Variants in RANBP17 observed in about 807,000 individuals in gnomAD.
RANBP17 encodes ran-binding protein 17.
Under a neutral mutation model 141.2 loss-of-function variants are expected in RANBP17, and 158 were observed. That is an observed-to-expected ratio of 1.12 (90% CI 0.98 to 1.28). RANBP17 has a LOEUF of 1.28. Among genes scored for constraint, RANBP17 ranks in the 50% most tolerant of loss-of-function variants. The pLI is 0.00. For synonymous variants in RANBP17, 430 were observed against 450.0 expected (o/e 0.96, Z 0.56); for missense variants, 1,438 against 1,290.7 (o/e 1.11, Z -1.75).
chr5:171,036,212 C>G (rs563526224), intron 14 of RANBP17, among the ~76,000 whole-genome samples: 1 of 152,266 alleles, frequency 6.6e-6, no homozygotes, highest in African/African-American at 2.4e-5. Flanking sequence ...TCCCCAGTGT[C>G]TCTTGTTGCT....
intron 12 of RANBP17, among the ~76,000 whole-genome samples, chr5:170,932,768 C>G (rs551080407): frequency 1.3e-5 from 2 of 152,206 alleles, no homozygotes; most frequent in Admixed American, 1.3e-4. Context: ...CCAACTTGAT[C>G]GTGGTGGATA....
chr5:171,165,467 C>T (rs867401210), intron 14 of RANBP17, among the ~76,000 whole-genome samples: 10 of 152,156 alleles, frequency 6.6e-5, no homozygotes, highest in East Asian at 1.9e-4. Context: ...CATGAGCCAC[C>T]GCGCCCAGCC....
At chr5:171,054,992 A>G (rs1190477963) in intron 14 of RANBP17, among the ~76,000 whole-genome samples, 1 of 152,218 alleles carries the variant, frequency 6.6e-6, no homozygotes, top group Non-Finnish European at 1.5e-5. Flanking sequence ...AGAAGGTGGT[A>G]TCTGGAAGAC....
chr5:171,005,466 C>A lies in RANBP17; in HGVS notation c.1710+37089C>A, dbSNP rs564194331. Among the ~76,000 whole-genome samples, 907 of 152,284 alleles carry A rather than the reference C, an allele frequency of 6.0e-3. 7 individuals carry two copies. Among genetic ancestry groups the A allele is most frequent in the African/African-American group, 0.021 (859 of 41,550 alleles). Reference sequence around the variant, plus strand: ...ATATCTACAACTATCTGATCTTTGACAAACCTGACAAAAACAAGAAATGGG... The same window carrying A: ...ATATCTACAACTATCTGATCTTTGAAAAACCTGACAAAAACAAGAAATGGG... On this transcript the variant is annotated intron_variant, in intron 14 of 27. Coordinates refer to ENST00000523189, the MANE Select transcript of RANBP17 (RefSeq NM_022897.5).
At chr5:171,191,584 G>A (rs1283971898) in intron 18 of RANBP17, among the ~76,000 whole-genome samples, 5 of 152,096 alleles carry the variant, frequency 3.3e-5, no homozygotes, top group Middle Eastern at 3.2e-3. Context: ...CTACTCGGGA[G>A]GCTGAGGCAG....
chr5:170,900,190 T>A (rs1269989737), intron 5 of RANBP17, among the ~76,000 whole-genome samples: 1 of 152,168 alleles, frequency 6.6e-6, no homozygotes, highest in Non-Finnish European at 1.5e-5. Context: ...CTGCCTTAAT[T>A]TCAGAACCTG....
At chr5:170,949,749 T>G (rs1400447100) in intron 12 of RANBP17, among the ~76,000 whole-genome samples, 1 of 152,040 alleles carries the variant, frequency 6.6e-6, no homozygotes, top group Non-Finnish European at 1.5e-5. Context: ...AAAACATACA[T>G]CCACATAAAA....
chr5:171,037,623 A>G (rs78727928), intron 14 of RANBP17, among the ~76,000 whole-genome samples: 2,659 of 152,232 alleles, frequency 0.017, 70 homozygotes, highest in African/African-American at 0.06. Flanking sequence ...TATATGGTAT[A>G]TACAGCTACA....
At chr5:170,867,779 T>C (rs1767381333) in intron 1 of RANBP17, among the ~76,000 whole-genome samples, 1 of 152,220 alleles carries the variant, frequency 6.6e-6, no homozygotes, top group Non-Finnish European at 1.5e-5. Flanking sequence ...AAAATGTGTG[T>C]AAACTGTGCA....
rs1026055609 is a variant in RANBP17, at chr5:170,914,233, CTCAGTTAG to C, written c.829_834+2del. The C allele has an allele frequency of 3.8e-6, 6 of 1,592,084 alleles. No individual in the cohort carries two copies. The highest frequency in any genetic ancestry group is 5.2e-6 in the Non-Finnish European group (6 of 1,160,454). ...TATCATTCACTTCCACCACTACTAT[CTCAGTTAG>C]TAAGTAAAAGTCATTCGTTATTTCG... On this transcript the variant is annotated splice_donor_variant and coding_sequence_variant, in exon 8 of 28. Transcript: ENST00000523189. LOFTEE classifies it high-confidence loss of function.
chr5:171,272,272 C>G (rs1441799896), intron 25 of RANBP17, among the ~76,000 whole-genome samples: 2 of 152,146 alleles, frequency 1.3e-5, no homozygotes, highest in Non-Finnish European at 2.9e-5. Context: ...ACAAAGTAAT[C>G]TGTACACCAG....
At chr5:170,945,450 T>C (rs10462898) in intron 12 of RANBP17, among the ~76,000 whole-genome samples, 93,080 of 152,026 alleles carry the variant, frequency 0.61, 29,880 homozygotes, top group South Asian at 0.89. Flanking sequence ...TACTCATATA[T>C]TTTACATGCA....
At chr5:170,937,938 GC>G (rs1774016948) in intron 12 of RANBP17, among the ~76,000 whole-genome samples, 1 of 152,014 alleles carries the variant, frequency 6.6e-6, no homozygotes, top group African/African-American at 2.4e-5. Context: ...CCTCTGAAAG[GC>G]CTTTTAGCTG....
At chr5:171,239,374 G>A (rs530023764) in intron 22 of RANBP17, among the ~76,000 whole-genome samples, 58 of 152,122 alleles carry the variant, frequency 3.8e-4, no homozygotes, top group Non-Finnish European at 7.5e-4. Flanking sequence ...TAGAAGTATT[G>A]GTCCTTCTTA....
chr5:171,211,379 A>G (rs1762875158), intron 20 of RANBP17, among the ~76,000 whole-genome samples: 1 of 151,952 alleles, frequency 6.6e-6, no homozygotes, highest in African/African-American at 2.4e-5. Context: ...CTTGTGCCTC[A>G]GCCTCCCAAG....
intron 24 of RANBP17, among the ~76,000 whole-genome samples, chr5:171,249,236 G>A (rs1765408368): frequency 6.6e-6 from 1 of 152,090 alleles, no homozygotes; most frequent in Non-Finnish European, 1.5e-5. Flanking sequence ...CAAAGCCAAA[G>A]TGCCCTACCC....
At chr5:171,094,072 CTTG>C (rs1216754455) in intron 14 of RANBP17, among the ~76,000 whole-genome samples, 1 of 152,164 alleles carries the variant, frequency 6.6e-6, no homozygotes, top group Non-Finnish European at 1.5e-5. Flanking sequence ...TGCAGTATAT[CTTG>C]TTATTTGTTA....
chr5:171,082,427 C>T (rs920658480), intron 14 of RANBP17, among the ~76,000 whole-genome samples: 1 of 152,128 alleles, frequency 6.6e-6, no homozygotes, highest in East Asian at 1.9e-4. Flanking sequence ...AACATTTCAA[C>T]TTGTGATGAG....
intron 14 of RANBP17, among the ~76,000 whole-genome samples, chr5:171,014,808 G>T (rs1199616618): frequency 6.6e-6 from 1 of 151,868 alleles, no homozygotes; most frequent in African/African-American, 2.4e-5. Flanking sequence ...CTTTCTTTCT[G>T]AAGGGTTTCT....
Sources: allele counts gnomAD v4.1 joint callset (sites outside exome capture counted in the v4.1 genomes callset), GRCh38; gene constraint gnomAD v4.1.1; transcripts MANE v1.5; gene names NCBI Gene and HGNC (gene_info 2026-07-23, HGNC 2026-07-21).